The following EHF variants were observed in gnomAD, a reference collection of about 807,000 sequenced individuals.
EHF encodes ETS homologous factor.
A neutral mutation model predicts 45.1 loss-of-function variants in EHF; 14 were observed. The ratio of observed to expected loss-of-function variants is 0.31; its 90% CI spans 0.21 to 0.49. The LOEUF is 0.49. EHF is among the 20% of genes least tolerant of loss of function. The pLI, the probability that EHF is intolerant of heterozygous loss-of-function variation, is 0.99. For synonymous variants in EHF, 136 were observed against 131.8 expected (o/e 1.03, Z -0.22); for missense variants, 282 against 371.4 (o/e 0.76, Z 1.98).
intron 1 of EHF, among the ~76,000 whole-genome samples, chr11:34,638,279 T>C (rs1040218189): frequency 6.6e-6 from 1 of 152,216 alleles, no homozygotes; most frequent in Admixed American, 6.5e-5. Context: ...CAGGTAATAA[T>C]TTATACAATC....
At chr11:34,642,909 C>T (rs1159084957) in intron 2 of EHF, among the ~76,000 whole-genome samples, 182 bp downstream of exon 2, 4 of 152,172 alleles carry the variant, frequency 2.6e-5, no homozygotes, top group African/African-American at 4.8e-5. Context: ...GACAAAAGCT[C>T]GTTTGAGATA....
At chr11:34,624,259 A>G in intron 1 of EHF, 3 of 985,356 alleles carry the variant, frequency 3.0e-6, no homozygotes, top group Non-Finnish European at 3.6e-6. Context: ...TAGAGACCAC[A>G]TTCTCACCCT....
intron 6 of EHF, among the ~76,000 whole-genome samples, chr11:34,656,656 G>A (rs2134226480): frequency 6.6e-6 from 1 of 152,214 alleles, no homozygotes; most frequent in Middle Eastern, 3.4e-3. Context: ...AATCAGAGAG[G>A]TCTCCTATGA....
intron 2 of EHF, among the ~76,000 whole-genome samples, chr11:34,644,031 C>A (rs767182701): frequency 2.3e-4 from 35 of 152,286 alleles, no homozygotes; most frequent in Non-Finnish European, 5.0e-4. Flanking sequence ...TTTATTGTTT[C>A]TCCTGAAACT....
Position 34,661,476 on chromosome 11 carries a change from TACA to T in EHF, c.*2550_*2552del, listed in dbSNP as rs1198924463. ...GTAAGTGAATGTGAAGAGTACCAAC[TACA>T]ACAATTCTACAGATAATTAGTGGAT... is the stretch of plus-strand genomic sequence containing the variant. On this transcript the variant is annotated 3_prime_UTR_variant, in exon 9 of 9. Coordinates refer to ENST00000257831, the MANE Select transcript of EHF (RefSeq NM_012153.6). Among the ~76,000 whole-genome samples, 2 of 152,182 alleles carry T rather than the reference TACA, an allele frequency of 1.3e-5. No individual in the cohort carries two copies. The highest frequency in any genetic ancestry group is 3.9e-4 in the East Asian group (2 of 5,194).
intron 1 of EHF, among the ~76,000 whole-genome samples, chr11:34,640,022 C>CTT (rs72277773): frequency 1.3e-4 from 19 of 146,028 alleles, no homozygotes; most frequent in South Asian, 2.2e-4. Flanking sequence ...TTATTAAATT[C>CTT]TTTTTTTTTT....
rs143547850 is a variant in EHF at position 34,632,348 on chromosome 11, C to T, written c.-3-10280C>T. 3.5e-3 allele frequency: 2,728 copies of T among 772,698 alleles called. 8 individuals carry two copies. The highest frequency in any genetic ancestry group is 4.1e-3 in the Non-Finnish European group (2,122 of 519,634). 47.9% of individuals were successfully genotyped at this position (772,698 alleles called of 1,614,324 possible). A position where few individuals can be genotyped will look rare whatever the true frequency, so the allele number is the denominator to read the frequency against. On this transcript the variant is annotated intron_variant, in intron 1 of 8. Coordinates refer to ENST00000257831, the MANE Select transcript of EHF (RefSeq NM_012153.6). ...ATTCAGAAGATAACAGAAGCCCCTG[C>T]CAGCAACTGAATTAACAGCTCTGTT...
intron 2 of EHF, among the ~76,000 whole-genome samples, chr11:34,644,207 T>A (rs1854296278): frequency 1.3e-5 from 2 of 152,190 alleles, no homozygotes; most frequent in South Asian, 2.1e-4. Flanking sequence ...TGCTGTTAGG[T>A]TATTAAAAGT....
At chr11:34,626,507 T>G (rs1852390528) in intron 1 of EHF, among the ~76,000 whole-genome samples, 1 of 152,222 alleles carries the variant, frequency 6.6e-6, no homozygotes, top group Admixed American at 6.5e-5. Context: ...CTTGTCATGA[T>G]TTCATCTAGT....
At chr11:34,643,208 A>G (rs562519202) in intron 2 of EHF, among the ~76,000 whole-genome samples, 1 of 152,172 alleles carries the variant, frequency 6.6e-6, no homozygotes, top group East Asian at 1.9e-4. Flanking sequence ...TGTAAGGAGA[A>G]CAGGTGTTCT....
chr11:34,637,378 G>C (rs1853542676), intron 1 of EHF, among the ~76,000 whole-genome samples: 1 of 152,332 alleles, frequency 6.6e-6, no homozygotes, highest in South Asian at 2.1e-4. Context: ...CACAGAAGCA[G>C]TCCAAGTGCT....
intron 1 of EHF, among the ~76,000 whole-genome samples, chr11:34,628,553 T>C (rs1254717179): frequency 6.6e-6 from 1 of 152,188 alleles, no homozygotes; most frequent in Non-Finnish European, 1.5e-5. Flanking sequence ...AAGGGGAATA[T>C]GATCTTCCCA....
rs567773854 is a variant in EHF, at chr11:34,630,164, C to T, written c.-4+8936C>T. On this transcript the variant is annotated intron_variant, in intron 1 of 8. Coordinates refer to ENST00000257831, the MANE Select transcript of EHF (RefSeq NM_012153.6). Reference sequence around the variant, plus strand: ...CTCAACTTTGAAATTAAAAGTATAACGTCCTAACAGACATCCTCCTTCTCT... The same window carrying T: ...CTCAACTTTGAAATTAAAAGTATAATGTCCTAACAGACATCCTCCTTCTCT... Among the ~76,000 whole-genome samples, 12 of 152,310 alleles carry T rather than the reference C, an allele frequency of 7.9e-5. No individual in the cohort carries two copies. In the East Asian group the frequency reaches 2.3e-3, roughly 29 times the overall value.
At position 34,662,022 on chromosome 11, in the gene EHF, AC is replaced by A. The variant is rs1295736400; in HGVS notation, c.*3094del. ...TTGAATGTGCCATCTGAGAAGGGAG[AC>A]CCAGGTTGTGAGTTTTCCTTTGAAC... On this transcript the variant is annotated 3_prime_UTR_variant, in exon 9 of 9. Coordinates refer to ENST00000257831, the MANE Select transcript of EHF (RefSeq NM_012153.6). Among the ~76,000 whole-genome samples the A allele has an allele frequency of 1.3e-5, 2 of 152,032 alleles. No individual in the cohort carries two copies. Among genetic ancestry groups the A allele is most frequent in the African/African-American group, 4.8e-5 (2 of 41,410 alleles).
chr11:34,655,456 G>A lies in EHF; in HGVS notation c.545-1452G>A, dbSNP rs1406838448. Among the ~76,000 whole-genome samples, 3 of 152,204 alleles carry A rather than the reference G, an allele frequency of 2.0e-5. No individual in the cohort carries two copies. The East Asian group carries it at 5.8e-4, about 29-fold the overall frequency. On this transcript the variant is annotated intron_variant, in intron 6 of 8. Transcript: ENST00000257831. ...GTGTGAAATCTGTTATGTGCAAAGG[G>A]AGATTATGTGCCGGCCACCATTTCT...
At chr11:34,655,892 T>A (rs1855621587) in intron 6 of EHF, among the ~76,000 whole-genome samples, 1 of 152,216 alleles carries the variant, frequency 6.6e-6, no homozygotes, top group South Asian at 2.1e-4. Flanking sequence ...AAGGCCACAC[T>A]GGGTCAGTGG....
chr11:34,645,549 G>A (rs1366105123), intron 2 of EHF, among the ~76,000 whole-genome samples: 2 of 152,144 alleles, frequency 1.3e-5, no homozygotes, highest in African/African-American at 4.8e-5. Context: ...TTAGAGACCT[G>A]TACAGAAAAG....
intron 1 of EHF, among the ~76,000 whole-genome samples, chr11:34,638,691 G>C (rs1424155112): frequency 6.6e-6 from 1 of 152,192 alleles, no homozygotes. Context: ...CCCCACAGAA[G>C]GGATTGTCCA....
intron 1 of EHF, among the ~76,000 whole-genome samples, chr11:34,632,234 C>A (rs1184358332): frequency 6.6e-6 from 1 of 152,122 alleles, no homozygotes; most frequent in East Asian, 1.9e-4. Context: ...TGCTTAACTG[C>A]GTTGTTATCG....
Sources: allele counts gnomAD v4.1 joint callset (sites outside exome capture counted in the v4.1 genomes callset), GRCh38; gene constraint gnomAD v4.1.1; transcripts MANE v1.5; gene names NCBI Gene and HGNC (gene_info 2026-07-23, HGNC 2026-07-21).